The following ZFYVE26 variants were observed in gnomAD, a reference collection of about 807,000 sequenced individuals.
ZFYVE26 encodes the protein zinc finger FYVE domain-containing protein 26.
In ZFYVE26, 181 loss-of-function variants were observed where a neutral mutation model predicts 276.5. That is an observed-to-expected ratio of 0.65 (90% CI 0.58 to 0.74). The LOEUF (loss-of-function observed/expected upper bound fraction) is 0.74. Among genes scored for constraint, ZFYVE26 ranks in the 30% least tolerant of loss-of-function variants. ZFYVE26 has a pLI of 0.00. For synonymous variants in ZFYVE26, 1,129 were observed against 1,203.1 expected, an observed-to-expected ratio of 0.94 and a Z score of 1.27; for missense variants, 2,821 against 3,097.9, an observed-to-expected ratio of 0.91 and a Z score of 2.12.
At chr14:67,744,652 G>A (rs980018282), downstream of ZFYVE26, among the ~76,000 whole-genome samples, 4 of 152,180 alleles carry the variant, frequency 2.6e-5, no homozygotes, top group African/African-American at 9.7e-5. Flanking sequence ...TTATGAGTGA[G>A]AACATGCGAT....
intron 3 of ZFYVE26, among the ~76,000 whole-genome samples, chr14:67,810,509 A>T (rs2040278090): frequency 6.6e-6 from 1 of 152,240 alleles, no homozygotes; most frequent in Non-Finnish European, 1.5e-5. Flanking sequence ...TTTTACAAAT[A>T]ATCTTTACTA....
intron 34 of ZFYVE26, 106 bp downstream of exon 34, chr14:67,762,097 C>T: frequency 1.4e-6 from 2 of 1,381,760 alleles, no homozygotes; most frequent in Middle Eastern, 1.8e-4. Context: ...TGATGCTGAG[C>T]CAGGACTGAC....
chr14:67,755,674 T>C (rs1043204729), intron 36 of ZFYVE26, among the ~76,000 whole-genome samples: 3 of 152,252 alleles, frequency 2.0e-5, no homozygotes, highest in Non-Finnish European at 4.4e-5. Flanking sequence ...CTCATGCTTA[T>C]CTTGAAACTA....
rs2039878465 is a variant in ZFYVE26, at chr14:67,793,642, C to T, written c.2519G>A (p.Cys840Tyr). ...FSPPESLLAS[C>Y]ILRGNFAEAH... The stretch of plus-strand genomic sequence containing the variant: ...TTCTGCGAAGTTCCCGCGAAGGATG[C>T]AGGATGCCAGCAGTGACTCAGGTGG... The change falls in exon 14 of 42, where the codon TGC becomes TAC. Residue 840 changes from cysteine to tyrosine, a missense_variant. By Grantham distance (194) the Cys-to-Tyr change is radical (BLOSUM62 -2). Coordinates refer to ENST00000347230, the MANE Select transcript of ZFYVE26 (RefSeq NM_015346.4). 1 of 1,613,770 alleles carries T rather than the reference C, an allele frequency of 6.2e-7. No individual in the cohort carries two copies. Among genetic ancestry groups the T allele is most frequent in the Non-Finnish European group, 8.5e-7 (1 of 1,179,834 alleles).
At position 67,776,082 on chromosome 14, in the gene ZFYVE26, G is replaced by A; in HGVS notation, c.4999C>T (p.His1667Tyr). 1.9e-6 allele frequency: 3 copies of A among 1,614,230 alleles called. No homozygotes were observed. Among genetic ancestry groups the A allele is most frequent in the Non-Finnish European group, 2.5e-6 (3 of 1,180,038 alleles). Residue 1667 changes from histidine (H) to tyrosine (Y), a missense_variant, in exon 26 of 42, where the codon CAC (histidine) becomes TAC (tyrosine). His to Tyr is a moderately conservative substitution (Grantham distance 83). Transcript: ENST00000347230. ...GACAAGTGGGAATAGCTGGCCCGGT[G>A]CTGCTCAGGCAGGGTCAGCAGAATC... ...SKILLTLPEQ[H>Y]RASYSHLSSN...
intron 3 of ZFYVE26, among the ~76,000 whole-genome samples, chr14:67,813,077 G>A (rs746157177): frequency 3.8e-4 from 58 of 152,196 alleles, no homozygotes; most frequent in Non-Finnish European, 6.6e-4. Context: ...TGTGAGGAAC[G>A]ATAAATATCA....
At chr14:67,766,922 T>A (rs929777982) in intron 31 of ZFYVE26, among the ~76,000 whole-genome samples, 4 of 152,148 alleles carry the variant, frequency 2.6e-5, no homozygotes, top group African/African-American at 9.7e-5. Flanking sequence ...CAGGCTGGTC[T>A]CAAACTCCTG....
At chr14:67,733,942 C>A in intron 13 of ZFYVE26, 1 of 899,478 alleles carries the variant, frequency 1.1e-6, no homozygotes, top group Non-Finnish European at 1.8e-6. Context: ...GTCCTCTTGG[C>A]CAGCTGGTGC....
At chr14:67,745,929 C>CAAAAAAAA (rs61448179), downstream of ZFYVE26, among the ~76,000 whole-genome samples, 1 of 57,504 alleles carries the variant, frequency 1.7e-5, no homozygotes, top group African/African-American at 7.6e-5. Flanking sequence ...GACCCTGTCT[C>CAAAAAAAA]AAAAAAAAAA....
At chr14:67,736,937 C>A (rs2038359252) in intron 13 of ZFYVE26, among the ~76,000 whole-genome samples, 1 of 152,048 alleles carries the variant, frequency 6.6e-6, no homozygotes, top group African/African-American at 2.4e-5. Flanking sequence ...CTTTAAACAC[C>A]CGCAGTGACC....
rs1433604438 is a variant in ZFYVE26, at chr14:67,793,601, C to T, written c.2553+7G>A. ...TCAGGGGCTGAAAAGGTATGGCCTC[C>T]CCTCACCTGATGGGCTTCTGCGAAG... On this transcript the variant is annotated splice_region_variant and intron_variant, in intron 14 of 41. Coordinates refer to ENST00000347230, the MANE Select transcript of ZFYVE26 (RefSeq NM_015346.4). 4.3e-6 allele frequency: 7 copies of T among 1,613,070 alleles called. No homozygotes were observed. The highest frequency in any genetic ancestry group is 5.9e-6 in the Non-Finnish European group (7 of 1,179,606).
intron 13 of ZFYVE26, among the ~76,000 whole-genome samples, chr14:67,737,851 C>G (rs923542407): frequency 6.6e-6 from 1 of 152,126 alleles, no homozygotes; most frequent in African/African-American, 2.4e-5. Flanking sequence ...GTGTGAGTCA[C>G]CACTCTCAAC....
chr14:67,785,677 G>A (rs2140227262), intron 18 of ZFYVE26, among the ~76,000 whole-genome samples, 181 bp downstream of exon 18: 1 of 152,256 alleles, frequency 6.6e-6, no homozygotes, highest in South Asian at 2.1e-4. Flanking sequence ...TCTTTCAATT[G>A]AGAGGTGGGA....
chr14:67,789,868 T>C (rs1276676873), intron 15 of ZFYVE26, among the ~76,000 whole-genome samples: 1 of 152,228 alleles, frequency 6.6e-6, no homozygotes, highest in Non-Finnish European at 1.5e-5. Flanking sequence ...CGTAGATCTG[T>C]GTGTGCTAAT....
At chr14:67,777,963 A>G (rs2039391804) in intron 24 of ZFYVE26, among the ~76,000 whole-genome samples, 163 bp downstream of exon 24, 1 of 152,036 alleles carries the variant, frequency 6.6e-6, no homozygotes, top group African/African-American at 2.4e-5. Context: ...CACCTAATGC[A>G]AGGCTAGGCC....
At position 67,783,451 on chromosome 14, in the gene ZFYVE26, G is replaced by A; in HGVS notation, c.3701C>T (p.Pro1234Leu). The change falls in exon 21 of 42, where the codon CCC becomes CTC. Residue 1234 changes from proline to leucine, a missense_variant. By Grantham distance (98) the Pro-to-Leu change is moderately conservative (BLOSUM62 -3). Coordinates refer to ENST00000347230, the MANE Select transcript of ZFYVE26 (RefSeq NM_015346.4). Reference sequence around the variant, plus strand: ...TTGCCGGGATGAGCAAAGAGCAAGGGGCTCACAGCAGCAGCTGACGATGAC... The same window carrying A: ...TTGCCGGGATGAGCAAAGAGCAAGGAGCTCACAGCAGCAGCTGACGATGAC... ...PQVIVSCCCE[P>L]LALCSSRQSQ... 2 of 1,614,106 alleles carry A rather than the reference G, an allele frequency of 1.2e-6. No individual in the cohort carries two copies. The highest frequency in any genetic ancestry group is 1.1e-5 in the South Asian group (1 of 91,088).
intron 13 of ZFYVE26, chr14:67,733,867 C>T (rs1168738675): frequency 6.4e-7 from 1 of 1,556,668 alleles, no homozygotes; most frequent in South Asian, 1.1e-5. Flanking sequence ...AGAGCTGCAG[C>T]TTTATCAGGC....
intron 3 of ZFYVE26, among the ~76,000 whole-genome samples, chr14:67,813,633 A>G (rs775732133): frequency 1.4e-4 from 22 of 152,166 alleles, no homozygotes; most frequent in Non-Finnish European, 8.8e-5. Context: ...TGGAAGAAAA[A>G]CCAAGTTTCA....
At chr14:67,769,479 A>T in intron 29 of ZFYVE26, 115 bp downstream of exon 29, 1 of 1,476,280 alleles carries the variant, frequency 6.8e-7, no homozygotes. Context: ...TTCAGTGTGA[A>T]TGTTAAACAT....
Sources: allele counts gnomAD v4.1 joint callset (sites outside exome capture counted in the v4.1 genomes callset), GRCh38; gene constraint gnomAD v4.1.1; transcripts MANE v1.5; gene names NCBI Gene and HGNC (gene_info 2026-07-23, HGNC 2026-07-21).